The following ARID1B variants were observed in gnomAD, a reference collection of about 807,000 sequenced individuals.
ARID1B encodes the protein AT-rich interaction domain 1B, also known as AT-rich interactive domain-containing protein 1B.
Under a neutral mutation model 212.3 loss-of-function variants are expected in ARID1B, and 30 were observed. The observed-to-expected ratio is 0.14, with a 90% confidence interval of 0.11 to 0.19. The LOEUF (loss-of-function observed/expected upper bound fraction) is 0.19. Ranked by LOEUF, ARID1B falls within the 10% of genes least tolerant of loss-of-function variation. ARID1B has a pLI of 1.00. For missense variants in ARID1B, 2,891 were observed against 3,204.0 expected, an observed-to-expected ratio of 0.90 and a Z score of 2.36; for synonymous variants, 1,402 against 1,301.7, an observed-to-expected ratio of 1.08 and a Z score of -1.66.
At chr6:157,020,711 T>TTTTA (rs1395211672) in intron 4 of ARID1B, among the ~76,000 whole-genome samples, 1 of 152,234 alleles carries the variant, frequency 6.6e-6, no homozygotes, top group Non-Finnish European at 1.5e-5. Context: ...GCTTCTCTAA[T>TTTTA]ATTTTTTCCA....
intron 4 of ARID1B, among the ~76,000 whole-genome samples, chr6:156,944,898 TTTC>T (rs754525446): frequency 7.2e-5 from 11 of 151,884 alleles, no homozygotes; most frequent in Admixed American, 2.6e-4. Flanking sequence ...CTGCAAGCTT[TTTC>T]TTCTTCTTCT....
chr6:156,934,005 G>A (rs1791959701), intron 3 of ARID1B, among the ~76,000 whole-genome samples: 1 of 152,202 alleles, frequency 6.6e-6, no homozygotes, highest in South Asian at 2.1e-4. Context: ...GGGTGGGACA[G>A]CAGAAGCTTT....
intron 6 of ARID1B, among the ~76,000 whole-genome samples, chr6:157,122,511 C>T (rs758461546): frequency 2.9e-4 from 44 of 152,168 alleles, no homozygotes; most frequent in South Asian, 2.1e-4. Context: ...CACCATGTAA[C>T]GTTGAAATGA....
chr6:156,830,636 A>G (rs899736143), intron 2 of ARID1B, among the ~76,000 whole-genome samples: 12 of 151,966 alleles, frequency 7.9e-5, no homozygotes, highest in Admixed American at 3.9e-4. Flanking sequence ...GTGTAAGTCT[A>G]TGTTATAGTA....
chr6:157,052,440 C>T (rs1782672904), intron 4 of ARID1B, among the ~76,000 whole-genome samples: 1 of 152,164 alleles, frequency 6.6e-6, no homozygotes, highest in African/African-American at 2.4e-5. Flanking sequence ...TTACTTTCCC[C>T]CAATATAATT....
intron 5 of ARID1B, among the ~76,000 whole-genome samples, chr6:157,104,844 C>T (rs1336564914): frequency 6.6e-6 from 1 of 152,026 alleles, no homozygotes; most frequent in African/African-American, 2.4e-5. Flanking sequence ...TATTAGTGAG[C>T]TATTTTATAT....
chr6:156,965,751 A>G (rs969242592), intron 4 of ARID1B, among the ~76,000 whole-genome samples: 1 of 152,210 alleles, frequency 6.6e-6, no homozygotes, highest in African/African-American at 2.4e-5. Flanking sequence ...GTTTGTGAAC[A>G]ATAAGATTTT....
intron 4 of ARID1B, among the ~76,000 whole-genome samples, chr6:156,964,030 C>A (rs1436126733): frequency 3.9e-5 from 6 of 152,244 alleles, no homozygotes; most frequent in Non-Finnish European, 5.9e-5. Flanking sequence ...GTTTCAGTTT[C>A]AGAATCTCTC....
chr6:157,184,533 TTGGGACTTTTGAGAGG>T, intron 13 of ARID1B, 98 bp downstream of exon 13: 1 of 1,407,640 alleles, frequency 7.1e-7, no homozygotes, highest in South Asian at 1.2e-5. Context: ...AACAGGGAAC[TTGGGACTTTTGAGAGG>T]TGGGGGGTTC....
At chr6:157,003,734 G>A (rs1014873459) in intron 4 of ARID1B, among the ~76,000 whole-genome samples, 1 of 152,144 alleles carries the variant, frequency 6.6e-6, no homozygotes, top group African/African-American at 2.4e-5. Context: ...TGTCACCCAG[G>A]CTGGGGTGCA....
chr6:157,058,358 G>A (rs1244640530), intron 4 of ARID1B, among the ~76,000 whole-genome samples: 2 of 150,236 alleles, frequency 1.3e-5, no homozygotes, highest in African/African-American at 2.5e-5. Context: ...TCCACCTCCC[G>A]GGTTCAAGCG....
intron 12 of ARID1B, among the ~76,000 whole-genome samples, chr6:157,183,893 A>G (rs1007008647): frequency 3.9e-5 from 6 of 152,244 alleles, no homozygotes; most frequent in African/African-American, 1.2e-4. Flanking sequence ...TCAGTGCCCA[A>G]AAACCTAACT....
intron 4 of ARID1B, among the ~76,000 whole-genome samples, chr6:156,973,213 A>G (rs996951705): frequency 6.6e-6 from 1 of 152,242 alleles, no homozygotes; most frequent in African/African-American, 2.4e-5. Flanking sequence ...AATTTTAGAA[A>G]TCTAAATAGC....
intron 4 of ARID1B, among the ~76,000 whole-genome samples, chr6:156,992,632 A>G (rs1231010665): frequency 6.6e-6 from 1 of 152,218 alleles, no homozygotes; most frequent in Non-Finnish European, 1.5e-5. Context: ...ACGGCCTCCC[A>G]TCTGTGGGGC....
chr6:156,970,660 G>C (rs1208960989), intron 4 of ARID1B, among the ~76,000 whole-genome samples: 1 of 152,240 alleles, frequency 6.6e-6, no homozygotes. Flanking sequence ...TAGAGCAACT[G>C]TCTGTGGGTC....
chr6:157,068,819 G>T (rs916266663), intron 4 of ARID1B, among the ~76,000 whole-genome samples: 3 of 152,290 alleles, frequency 2.0e-5, no homozygotes, highest in South Asian at 4.1e-4. Context: ...ATCAATATCT[G>T]CGCTGATGTT....
intron 4 of ARID1B, chr6:157,022,300 T>A (rs370124147): frequency 6.6e-6 from 1 of 152,254 alleles, no homozygotes; most frequent in African/African-American, 2.4e-5. Flanking sequence ...AATAGCTGCT[T>A]CTTGGAGCCA....
chr6:157,107,864 G>A (rs1008979596), intron 5 of ARID1B: 1 of 152,174 alleles, frequency 6.6e-6, no homozygotes, highest in Non-Finnish European at 1.5e-5. Context: ...ATAAAAATCT[G>A]TAATTTTGAA....
intron 11 of ARID1B, among the ~76,000 whole-genome samples, chr6:157,176,683 T>G (rs745963195): frequency 2.6e-5 from 4 of 152,084 alleles, no homozygotes; most frequent in Non-Finnish European, 5.9e-5. Flanking sequence ...TTGTCTCTAC[T>G]AAAAATACAA....
Sources: gnomAD v4.1 joint callset for allele counts (sites outside exome capture counted in the v4.1 genomes callset) on GRCh38, gnomAD v4.1.1 for gene constraint, MANE v1.5 for transcripts, NCBI Gene and HGNC (gene_info 2026-07-23, HGNC 2026-07-21) for gene names.